Variants in ADAM32 observed in about 807,000 individuals in gnomAD.
ADAM32 encodes the protein ADAM metallopeptidase domain 32, also known as disintegrin and metalloproteinase domain-containing protein 32.
ADAM32 carries 89 observed loss-of-function variants against 114.9 expected under a neutral mutation model. The ratio of observed to expected loss-of-function variants is 0.77; its 90% CI spans 0.65 to 0.92. The LOEUF is 0.92. ADAM32 is among the 40% of genes least tolerant of loss of function. The pLI, the probability that ADAM32 is intolerant of heterozygous loss-of-function variation, is 0.00. For synonymous variants in ADAM32, 285 were observed against 307.5 expected (o/e 0.93, Z 0.77); for missense variants, 870 against 932.8 (o/e 0.93, Z 0.88).
At position 39,151,379 on chromosome 8, in the gene ADAM32, G is replaced by A; in HGVS notation, c.356G>A (p.Gly119Glu). The A allele has an allele frequency of 6.3e-7, 1 of 1,585,388 alleles. No individual in the cohort carries two copies. The highest frequency in any genetic ancestry group is 8.5e-7 in the Non-Finnish European group (1 of 1,169,636). The change falls in exon 6 of 25, where the codon GGA (glycine) becomes GAA (glutamate). Residue 119 changes from glycine to glutamate, a missense_variant and splice_region_variant. Transcript: ENST00000379907. ...VTLSTCSGLRGILQFENVSYG... is the reference protein window; with the variant it reads ...VTLSTCSGLREILQFENVSYG... ...AAATTGTATTCATAATTTCACAGAG[G>A]AATACTGCAATTTGAAAATGTTTCT...
intron 22 of ADAM32, among the ~76,000 whole-genome samples, chr8:39,277,800 C>CCTGTG (rs1194609673): frequency 2.0e-5 from 3 of 152,244 alleles, no homozygotes; most frequent in African/African-American, 7.2e-5. Context: ...GGTATCCAGG[C>CCTGTG]AGGGTGCCTG....
At chr8:39,114,563 C>G (rs1276022858) in intron 1 of ADAM32, among the ~76,000 whole-genome samples, 1 of 152,188 alleles carries the variant, frequency 6.6e-6, no homozygotes, top group Non-Finnish European at 1.5e-5. Context: ...TAGGTGAAAG[C>G]ATTTTGTTTT....
At chr8:39,275,415 G>C (rs1053033615) in intron 21 of ADAM32, among the ~76,000 whole-genome samples, 1 of 152,114 alleles carries the variant, frequency 6.6e-6, no homozygotes, top group Admixed American at 6.5e-5. Flanking sequence ...TATAGGAGGG[G>C]AAATTACCAC....
intron 17 of ADAM32, among the ~76,000 whole-genome samples, chr8:39,246,523 T>C (rs1360486212): frequency 6.6e-6 from 1 of 152,238 alleles, no homozygotes; most frequent in Non-Finnish European, 1.5e-5. Flanking sequence ...TTTATTTATC[T>C]ACTTTTAAAA....
rs1484217596 is a variant in ADAM32, at chr8:39,253,090, A to C, written c.1903-1324A>C. Among the ~76,000 whole-genome samples, 7 of 151,670 alleles carry C rather than the reference A, an allele frequency of 4.6e-5. No homozygotes were observed. The East Asian group carries it at 1.3e-3, about 29-fold the overall frequency. Reference sequence around the variant, plus strand: ...AACTATATTTGCCGCACGTTAAAAGAATCATACACTATGACCAGATGGGAT... The same window carrying C: ...AACTATATTTGCCGCACGTTAAAAGCATCATACACTATGACCAGATGGGAT... On this transcript the variant is annotated intron_variant, in intron 17 of 24. Coordinates refer to ENST00000379907, the MANE Select transcript of ADAM32 (RefSeq NM_145004.7).
At chr8:39,160,797 G>A in intron 6 of ADAM32, 100 bp from the exon 7 acceptor site, 1 of 1,022,420 alleles carries the variant, frequency 9.8e-7, no homozygotes, top group Non-Finnish European at 1.4e-6. Context: ...AAACACCTCT[G>A]CATATCTTGT....
At chr8:39,198,264 T>C (rs911643492) in intron 11 of ADAM32, among the ~76,000 whole-genome samples, 2 of 152,210 alleles carry the variant, frequency 1.3e-5, no homozygotes, top group African/African-American at 2.4e-5. Flanking sequence ...AGCCAGTCTA[T>C]ATTTTTTAAT....
At chr8:39,136,242 A>T (rs1802794645) in intron 2 of ADAM32, among the ~76,000 whole-genome samples, 1 of 152,242 alleles carries the variant, frequency 6.6e-6, no homozygotes, top group Non-Finnish European at 1.5e-5. Flanking sequence ...TAGGGAACAG[A>T]CAATACATCT....
In ADAM32 at chr8:39,273,192, C is replaced by T. The variant is rs115167471; in HGVS notation, c.2202-1120C>T. ...TTTCTTTAAATAAGCAAAAGGAGTA[C>T]GCTCTAAAATAATGATAAAAAGGAC... On this transcript the variant is annotated intron_variant, in intron 20 of 24. Transcript: ENST00000379907. Among the ~76,000 whole-genome samples the T allele has an allele frequency of 5.4e-3, 817 of 151,830 alleles. 10 individuals are homozygous for T. Among genetic ancestry groups the T allele is most frequent in the African/African-American group, 0.019 (777 of 41,366 alleles).
intron 19 of ADAM32, among the ~76,000 whole-genome samples, chr8:39,264,067 G>T (rs1812207465): frequency 6.6e-6 from 1 of 151,990 alleles, no homozygotes; most frequent in South Asian, 2.1e-4. Context: ...CCCTTCCTTA[G>T]CCTTTCCCTC....
intron 24 of ADAM32, 136 bp from the exon 25 acceptor site, chr8:39,284,657 T>C: frequency 1.1e-6 from 1 of 911,840 alleles, no homozygotes; most frequent in Non-Finnish European, 1.7e-6. Flanking sequence ...ACAGGCAAAA[T>C]TGTAAACATC....
At chr8:39,241,299 A>T (rs1295078793) in intron 16 of ADAM32, among the ~76,000 whole-genome samples, 4 of 152,198 alleles carry the variant, frequency 2.6e-5, no homozygotes, top group Admixed American at 6.5e-5. Context: ...CCAGGCAAAC[A>T]GTGCAAGCTG....
chr8:39,198,873 T>G (rs114675954), intron 11 of ADAM32, among the ~76,000 whole-genome samples: 13 of 152,352 alleles, frequency 8.5e-5, no homozygotes, highest in African/African-American at 2.2e-4. Flanking sequence ...TAGGATTCTC[T>G]TAAGCATTTC....
intron 11 of ADAM32, among the ~76,000 whole-genome samples, chr8:39,198,568 G>C (rs1036496450): frequency 2.0e-5 from 3 of 152,092 alleles, no homozygotes; most frequent in Admixed American, 6.6e-5. Flanking sequence ...AGTGGAGATG[G>C]GGTTTCACCA....
intron 10 of ADAM32, among the ~76,000 whole-genome samples, chr8:39,185,500 C>T (rs1267697516): frequency 6.6e-6 from 1 of 152,204 alleles, no homozygotes; most frequent in African/African-American, 2.4e-5. Flanking sequence ...CAACAGGTTT[C>T]ACACAGTAGA....
At chr8:39,157,853 G>T in intron 6 of ADAM32, 2 of 621,446 alleles carry the variant, frequency 3.2e-6, no homozygotes, top group South Asian at 1.7e-5. Flanking sequence ...TGCCATCCTT[G>T]ATGAAGTAGC....
rs892931667 is a variant in ADAM32, at chr8:39,135,096, G to A, written c.139-1561G>A. On this transcript the variant is annotated intron_variant, in intron 2 of 24. Coordinates refer to ENST00000379907, the MANE Select transcript of ADAM32 (RefSeq NM_145004.7). Reference sequence around the variant, plus strand: ...CTTGAACCCGGGAGGCAGAAGTTGCGGTGAGCTGAGATGGCGCCACTGCAC... The same window carrying A: ...CTTGAACCCGGGAGGCAGAAGTTGCAGTGAGCTGAGATGGCGCCACTGCAC... Among the ~76,000 whole-genome samples the A allele has an allele frequency of 3.9e-5, 6 of 152,100 alleles. No individual in the cohort carries two copies. In the South Asian group the frequency reaches 6.2e-4, roughly 16 times the overall value.
intron 19 of ADAM32, among the ~76,000 whole-genome samples, chr8:39,261,367 G>A (rs1812018229): frequency 6.6e-6 from 1 of 152,118 alleles, no homozygotes; most frequent in East Asian, 1.9e-4. Context: ...TACTTCAGTT[G>A]CATCTGTGTT....
At chr8:39,181,313 G>A (rs973121060) in intron 10 of ADAM32, among the ~76,000 whole-genome samples, 5 of 152,126 alleles carry the variant, frequency 3.3e-5, no homozygotes, top group South Asian at 2.1e-4. Context: ...AACTCCAGAC[G>A]TGCCGTCTTA....
Sources: allele counts gnomAD v4.1 joint callset (sites outside exome capture counted in the v4.1 genomes callset), GRCh38; gene constraint gnomAD v4.1.1; transcripts MANE v1.5; gene names NCBI Gene and HGNC (gene_info 2026-07-23, HGNC 2026-07-21).